TPCN2: variants seen among roughly 807,000 people sequenced by gnomAD.
The protein encoded by TPCN2 is two pore channel protein 2.
A neutral mutation model predicts 111.4 loss-of-function variants in TPCN2; 92 were observed. That is an observed-to-expected ratio of 0.83 (90% CI 0.70 to 0.98). The LOEUF (loss-of-function observed/expected upper bound fraction) is 0.98. Among genes scored for constraint, TPCN2 ranks in the 50% least tolerant of loss-of-function variants. TPCN2 has a pLI of 0.00. For missense variants in TPCN2, 995 were observed against 980.1 expected, an observed-to-expected ratio of 1.02 and a Z score of -0.20; for synonymous variants, 405 against 414.5, an observed-to-expected ratio of 0.98 and a Z score of 0.28.
At chr11:69,079,944 TG>T in intron 17 of TPCN2, 61 bp downstream of exon 17, 1 of 1,538,588 alleles carries the variant, frequency 6.5e-7, no homozygotes, top group Non-Finnish European at 9.0e-7. Context: ...CCAGCGCCCC[TG>T]GGAGGGTCTC....
At chr11:69,059,057 C>T (rs1854904994) in intron 5 of TPCN2, among the ~76,000 whole-genome samples, 1 of 152,260 alleles carries the variant, frequency 6.6e-6, no homozygotes, top group Non-Finnish European at 1.5e-5. Context: ...CTTCTGCCAC[C>T]TGCTCCGCGC....
chr11:69,072,613 GT>G lies in TPCN2; in HGVS notation c.1062-9del. ...GCTGGCTGTGCTCACCGGGCTGTGGGTTTTTCCCTGCAGAGTTGGGGTGAAG... is the reference window on the plus strand; with the variant it reads ...GCTGGCTGTGCTCACCGGGCTGTGGGTTTTCCCTGCAGAGTTGGGGTGAAG... On this transcript the variant is annotated splice_polypyrimidine_tract_variant and intron_variant, in intron 11 of 24. Transcript: ENST00000294309. 6.2e-7 allele frequency: 1 copy of G among 1,613,748 alleles called. No individual in the cohort carries two copies. Among genetic ancestry groups the G allele is most frequent in the Non-Finnish European group, 8.5e-7 (1 of 1,179,894 alleles).
At chr11:69,084,213 G>A (rs934421125) in intron 19 of TPCN2, among the ~76,000 whole-genome samples, 197 bp downstream of exon 19, 4 of 152,204 alleles carry the variant, frequency 2.6e-5, no homozygotes, top group Non-Finnish European at 5.9e-5. Context: ...TTGTACAGCA[G>A]GGAGCTCGGG....
At chr11:69,070,861 A>G (rs1319896208) in intron 9 of TPCN2, among the ~76,000 whole-genome samples, 4 of 133,250 alleles carry the variant, frequency 3.0e-5, no homozygotes, top group Non-Finnish European at 6.3e-5. Flanking sequence ...TCCCTCACCA[A>G]CAGCTTCACC....
At position 69,055,185 on chromosome 11, in the gene TPCN2, T is replaced by A; in HGVS notation, c.262T>A (p.Phe88Ile). 2 of 1,614,084 alleles carry A rather than the reference T, an allele frequency of 1.2e-6. No homozygotes were observed. The highest frequency in any genetic ancestry group is 8.5e-7 in the Non-Finnish European group (1 of 1,179,974). The change falls in exon 4 of 25, where the codon TTC becomes ATC. Residue 88 changes from phenylalanine to isoleucine, a missense_variant. Physicochemically the swap from Phe to Ile is conservative, Grantham distance 21. Transcript: ENST00000294309. ...YSNVCQRTLS[F>I]TIFLILFLAF... ...CTGTCCCCTTTCCAGGACTTTGAGC[T>A]TCACCATCTTCTTGATCCTGTTTTT...
At chr11:69,053,554 A>G (rs569427025) in intron 1 of TPCN2, among the ~76,000 whole-genome samples, 107 of 152,166 alleles carry the variant, frequency 7.0e-4, no homozygotes, top group African/African-American at 2.5e-3. Context: ...AAGAGGGGTG[A>G]CAGCAGCCCC....
In TPCN2 at chr11:69,087,029, G is replaced by A. The variant is rs1856312534; in HGVS notation, c.2086-83G>A. ...CAGCCCCCTCAGCGGGTGCCCTGTG[G>A]CTGACCCTGGAGGGGCCGGGGATGG... On this transcript the variant is annotated intron_variant, in intron 23 of 24. Transcript: ENST00000294309. 3.2e-6 allele frequency: 4 copies of A among 1,241,402 alleles called. No individual in the cohort carries two copies. In the South Asian group the frequency reaches 3.9e-5, roughly 12 times the overall value. 76.9% of individuals were successfully genotyped at this position (1,241,402 alleles called of 1,614,324 possible).
At position 69,050,567 on chromosome 11, in the gene TPCN2, G is replaced by A. The variant is rs185741025; in HGVS notation, c.109+1461G>A. ...TAATTTTTGTATTTTTAGTAGAGATGGGGTTTCACTGTGTTGGCCAGGGTG... is the reference window on the plus strand; with the variant it reads ...TAATTTTTGTATTTTTAGTAGAGATAGGGTTTCACTGTGTTGGCCAGGGTG... On this transcript the variant is annotated intron_variant, in intron 1 of 24. Transcript: ENST00000294309. Among the ~76,000 whole-genome samples, 1,087 of 152,280 alleles carry A rather than the reference G, an allele frequency of 7.1e-3. 14 individuals carry two copies. Among genetic ancestry groups the A allele is most frequent in the African/African-American group, 0.024 (1,007 of 41,560 alleles).
rs1386346914 is a variant in TPCN2 at position 69,089,585 on chromosome 11, CA to C, written c.*1633del. The C allele has an allele frequency of 6.6e-6, 1 of 152,300 alleles. No homozygotes were observed. The highest frequency in any genetic ancestry group is 6.5e-5 in the Admixed American group (1 of 15,290). The allele number at this position is 152,300 out of a possible 1,614,324, so 9.4% of individuals were successfully genotyped here. ...GTCTGCGTTTCGTCTAGGAGTGTCA[CA>C]GGATGGACACTGCCTCCTGGCAGGG... On this transcript the variant is annotated 3_prime_UTR_variant, in exon 25 of 25. Coordinates refer to ENST00000294309, the MANE Select transcript of TPCN2 (RefSeq NM_139075.4).
chr11:69,051,118 G>A (rs1054575168), intron 1 of TPCN2, among the ~76,000 whole-genome samples: 2 of 152,262 alleles, frequency 1.3e-5, no homozygotes, highest in Non-Finnish European at 2.9e-5. Flanking sequence ...TGCAAGTCCT[G>A]TGGTTGGTCT....
intron 13 of TPCN2, among the ~76,000 whole-genome samples, chr11:69,077,026 CCTCCT>C (rs1373822226): frequency 3.5e-5 from 4 of 114,072 alleles, no homozygotes; most frequent in Admixed American, 8.4e-5. Context: ...GCCCTCCTGC[CCTCCT>C]GCCATGTCCC....
Position 69,081,257 on chromosome 11 carries a change from T to C in TPCN2, c.1590-143T>C, listed in dbSNP as rs1855995374. On this transcript the variant is annotated intron_variant, in intron 17 of 24. Coordinates refer to ENST00000294309, the MANE Select transcript of TPCN2 (RefSeq NM_139075.4). ...TCTCGCCACCCTGCAGAGGCTTTTC[T>C]GCTCGGTGTTGGCTGTGGGGTGCAC... 6.9e-6 allele frequency: 4 copies of C among 579,932 alleles called. No homozygotes were observed. The South Asian group carries it at 8.2e-5, about 12-fold the overall frequency. The allele number at this position is 579,932 out of a possible 1,614,324, so 35.9% of individuals were successfully genotyped here.
At chr11:69,061,928 A>AGTGTGT (rs1278135413) in intron 5 of TPCN2, among the ~76,000 whole-genome samples, 1 of 151,078 alleles carries the variant, frequency 6.6e-6, no homozygotes, top group Non-Finnish European at 1.5e-5. Flanking sequence ...TATCTGTGAG[A>AGTGTGT]GTGTGTGTGT....
At chr11:69,085,149 A>AG (rs1856215938) in intron 19 of TPCN2, 61 bp from the exon 20 acceptor site, 1 of 1,448,958 alleles carries the variant, frequency 6.9e-7, no homozygotes, top group Non-Finnish European at 9.7e-7. Flanking sequence ...CTGTCTGGGG[A>AG]GGGTGGTGGT....
intron 13 of TPCN2, among the ~76,000 whole-genome samples, chr11:69,076,868 C>T (rs1328025406): frequency 8.2e-6 from 1 of 122,022 alleles, no homozygotes; most frequent in African/African-American, 3.5e-5. Flanking sequence ...GCCCTCATGC[C>T]ATGTCCCTCC....
At chr11:69,061,290 TGA>T (rs574896547) in intron 5 of TPCN2, among the ~76,000 whole-genome samples, 26 of 152,198 alleles carry the variant, frequency 1.7e-4, no homozygotes, top group African/African-American at 6.0e-4. Context: ...CCGTGGCCTG[TGA>T]GGTCTGGGAA....
chr11:69,075,555 G>A (rs1184542280), intron 13 of TPCN2, among the ~76,000 whole-genome samples: 1 of 152,236 alleles, frequency 6.6e-6, no homozygotes, highest in Admixed American at 6.5e-5. Flanking sequence ...CTGACGTGAA[G>A]GGCTGGCAGA....
intron 2 of TPCN2, 68 bp downstream of exon 2, chr11:69,054,165 A>G: frequency 1.5e-6 from 2 of 1,359,212 alleles, no homozygotes; most frequent in African/African-American, 1.4e-5. Flanking sequence ...TCGCCCCTCC[A>G]GGGGCGACTG....
Position 69,072,715 on chromosome 11 carries a change from G to T in TPCN2, c.1143+7G>T. Reference sequence around the variant, plus strand: ...CAAACAGGCCATGATGGAGGTACCCGCCCCCTGCTCCCAGCCTCCTCTGGG... The same window carrying T: ...CAAACAGGCCATGATGGAGGTACCCTCCCCCTGCTCCCAGCCTCCTCTGGG... On this transcript the variant is annotated splice_region_variant and intron_variant, in intron 12 of 24. Coordinates refer to ENST00000294309, the MANE Select transcript of TPCN2 (RefSeq NM_139075.4). The T allele has an allele frequency of 6.2e-7, 1 of 1,613,438 alleles. No homozygotes were observed. The highest frequency in any genetic ancestry group is 8.5e-7 in the Non-Finnish European group (1 of 1,179,882).
Sources: gnomAD v4.1 joint callset for allele counts (sites outside exome capture counted in the v4.1 genomes callset) on GRCh38, gnomAD v4.1.1 for gene constraint, MANE v1.5 for transcripts, NCBI Gene and HGNC (gene_info 2026-07-23, HGNC 2026-07-21) for gene names.